Variants in NRXN1 observed in about 807,000 individuals in gnomAD.
The protein encoded by NRXN1 is neurexin-1.
NRXN1 carries 39 observed loss-of-function variants against 150.9 expected under a neutral mutation model. The observed-to-expected ratio is 0.26, with a 90% CI of 0.20 to 0.34. The LOEUF (loss-of-function observed/expected upper bound fraction) is 0.34, where lower values mean the gene tolerates loss of function less well. NRXN1 is among the 10% of genes least tolerant of loss of function. The pLI, the probability that NRXN1 is intolerant of heterozygous loss-of-function variation, is 1.00. For missense variants in NRXN1, 1,815 were observed against 1,949.9 expected (o/e 0.93, Z 1.30); for synonymous variants, 924 against 757.0 (o/e 1.22, Z -3.62).
chr2:50,733,777 A>G (rs535907231), intron 5 of NRXN1, among the ~76,000 whole-genome samples: 2 of 152,294 alleles, frequency 1.3e-5, no homozygotes, highest in South Asian at 4.1e-4. Context: ...ATTTTCAAAA[A>G]GTTTACTCAA....
intron 2 of NRXN1, chr2:51,009,394 C>T (rs1019107052): frequency 2.6e-5 from 4 of 151,770 alleles, no homozygotes; most frequent in Admixed American, 6.6e-5. Context: ...TTATATGCAT[C>T]GATGAATGAA....
chr2:50,376,254 G>C (rs1271395259), intron 17 of NRXN1, among the ~76,000 whole-genome samples: 3 of 151,664 alleles, frequency 2.0e-5, no homozygotes, highest in Non-Finnish European at 2.9e-5. Flanking sequence ...GTCTGAAAGA[G>C]AGAAAATCAA....
chr2:50,372,271 T>C lies in NRXN1; in HGVS notation c.3364+93171A>G, dbSNP rs966851525. Among the ~76,000 whole-genome samples, 3 of 152,056 alleles carry C rather than the reference T, an allele frequency of 2.0e-5. No individual in the cohort carries two copies. In the South Asian group the frequency reaches 6.2e-4, roughly 32 times the overall value. ...TTGTGATCTGACTTGTTGATGACTA[T>C]CTCCTTCTGGTGGATGTGTTCTCTC... is the stretch of plus-strand genomic sequence containing the variant. On this transcript the variant is annotated intron_variant, in intron 17 of 22. Transcript: ENST00000401669.
intron 19 of NRXN1, among the ~76,000 whole-genome samples, chr2:50,056,715 C>A (rs908327234): frequency 6.6e-6 from 1 of 151,812 alleles, no homozygotes; most frequent in African/African-American, 2.4e-5. Context: ...TACTTTAGGA[C>A]AGTGTGATTA....
intron 17 of NRXN1, among the ~76,000 whole-genome samples, chr2:50,266,550 C>T (rs1335155242): frequency 5.4e-5 from 5 of 92,064 alleles, no homozygotes; most frequent in Admixed American, 1.1e-4. Context: ...CACACACACA[C>T]ACACACACAC....
In NRXN1 at chr2:50,540,654, T is replaced by G. The variant is rs78907534; in HGVS notation, c.1760-2018A>C. Among the ~76,000 whole-genome samples, 828 of 151,756 alleles carry G rather than the reference T, an allele frequency of 5.5e-3. 6 individuals carry two copies. The highest frequency in any genetic ancestry group is 0.019 in the African/African-American group (791 of 41,412). On this transcript the variant is annotated intron_variant, in intron 9 of 22. Transcript: ENST00000401669. ...AAAGAGTTACATGCAATGAACAAAGTGCCATGTTCTTTTTTTTTTTCTTTC... is the reference window on the plus strand; with the variant it reads ...AAAGAGTTACATGCAATGAACAAAGGGCCATGTTCTTTTTTTTTTTCTTTC...
At chr2:50,684,177 G>A (rs1487402939) in intron 5 of NRXN1, among the ~76,000 whole-genome samples, 1 of 152,102 alleles carries the variant, frequency 6.6e-6, no homozygotes, top group Non-Finnish European at 1.5e-5. Context: ...GATTTCATAT[G>A]AATGATAAAG....
intron 21 of NRXN1, among the ~76,000 whole-genome samples, chr2:50,011,290 ATACTTTTT>A (rs1685620849): frequency 6.6e-6 from 1 of 152,156 alleles, no homozygotes. Context: ...CAATATTTTC[ATACTTTTT>A]TACTTTGGAA....
At chr2:50,209,929 T>A (rs2062890526) in intron 18 of NRXN1, among the ~76,000 whole-genome samples, 1 of 152,148 alleles carries the variant, frequency 6.6e-6, no homozygotes, top group South Asian at 2.1e-4. Flanking sequence ...TGCTATACTA[T>A]ATATGTACTG....
chr2:50,423,886 A>C (rs1316682105), intron 17 of NRXN1, among the ~76,000 whole-genome samples: 1 of 152,144 alleles, frequency 6.6e-6, no homozygotes, highest in Non-Finnish European at 1.5e-5. Flanking sequence ...GCAGCTGGGT[A>C]ATCGCTGGTA....
At chr2:50,348,662 T>A (rs1394960374) in intron 17 of NRXN1, among the ~76,000 whole-genome samples, 1 of 152,132 alleles carries the variant, frequency 6.6e-6, no homozygotes, top group Non-Finnish European at 1.5e-5. Flanking sequence ...GTGTCCTAGA[T>A]GAAAGACCAG....
Position 50,894,230 on chromosome 2 carries a change from AAAGTAT to A in NRXN1, c.832+27633_832+27638del, listed in dbSNP as rs1681552214. 2.1e-5 allele frequency among the ~76,000 whole-genome samples: 3 copies of A among 143,340 alleles called. No homozygotes were observed. In the South Asian group the frequency reaches 6.6e-4, roughly 31 times the overall value. 94.0% of individuals were successfully genotyped at this position (143,340 alleles called of 152,430 possible). On this transcript the variant is annotated intron_variant, in intron 5 of 22. Transcript: ENST00000401669. ...ATTGTGCACATGTACCCTAAAACTT[AAAGTAT>A]AATAATAATAAATAAATAAATAAAT...
chr2:50,263,334 C>G (rs1240617933), intron 17 of NRXN1, among the ~76,000 whole-genome samples: 4 of 151,898 alleles, frequency 2.6e-5, no homozygotes, highest in Admixed American at 1.3e-4. Context: ...GCAGTAGAAC[C>G]AATGTACTTA....
intron 18 of NRXN1, among the ~76,000 whole-genome samples, chr2:50,117,364 A>G (rs934053137): frequency 6.6e-6 from 1 of 152,272 alleles, no homozygotes; most frequent in South Asian, 2.1e-4. Context: ...CCAGAGATGA[A>G]TAAGGAGAAT....
chr2:50,994,260 ACTCT>A (rs1204408511), intron 2 of NRXN1, among the ~76,000 whole-genome samples: 1 of 150,980 alleles, frequency 6.6e-6, no homozygotes, highest in African/African-American at 2.4e-5. Context: ...ACACACACAC[ACTCT>A]CTCTCTCTCT....
intron 17 of NRXN1, among the ~76,000 whole-genome samples, chr2:50,268,839 A>G (rs2069208843): frequency 6.6e-6 from 1 of 152,170 alleles, no homozygotes; most frequent in South Asian, 2.1e-4. Context: ...TACTTGACAA[A>G]GCATAGGTGC....
chr2:50,107,539 A>ATAT (rs59921941), intron 18 of NRXN1, among the ~76,000 whole-genome samples: 19 of 129,882 alleles, frequency 1.5e-4, no homozygotes, highest in African/African-American at 4.1e-4. Context: ...ATATATATAT[A>ATAT]TTTTTTTTTT....
intron 8 of NRXN1, among the ~76,000 whole-genome samples, chr2:50,584,395 T>C (rs983840434): frequency 1.3e-5 from 2 of 152,202 alleles, no homozygotes; most frequent in Non-Finnish European, 2.9e-5. Flanking sequence ...ATAAATACAC[T>C]TGTACTCATC....
chr2:50,794,321 T>C (rs968171878), intron 5 of NRXN1, among the ~76,000 whole-genome samples: 1 of 152,140 alleles, frequency 6.6e-6, no homozygotes, highest in Non-Finnish European at 1.5e-5. Flanking sequence ...CTCAAAAGGC[T>C]TCTACAATTT....
Sources: allele counts gnomAD v4.1 joint callset (sites outside exome capture counted in the v4.1 genomes callset), GRCh38; gene constraint gnomAD v4.1.1; transcripts MANE v1.5; gene names NCBI Gene and HGNC (gene_info 2026-07-23, HGNC 2026-07-21).